The following MLC1 variants were observed in gnomAD, a reference collection of about 807,000 sequenced individuals.
MLC1 encodes modulator of VRAC current 1.
Under a neutral mutation model 44.7 loss-of-function variants are expected in MLC1, and 32 were observed. The ratio of observed to expected loss-of-function variants is 0.72; its 90% CI spans 0.54 to 0.96. The LOEUF (loss-of-function observed/expected upper bound fraction) is 0.96, where lower values mean the gene tolerates loss of function less well. Ranked by LOEUF, MLC1 falls within the 40% of genes least tolerant of loss-of-function variation. MLC1 has a pLI of 0.00. For missense variants in MLC1, 459 were observed against 492.2 expected (o/e 0.93, Z 0.64); for synonymous variants, 190 against 213.0 (o/e 0.89, Z 0.94).
At chr22:50,080,239 C>T in intron 4 of MLC1, 105 bp downstream of exon 4, 2 of 1,425,640 alleles carry the variant, frequency 1.4e-6, no homozygotes, top group Admixed American at 2.0e-5. Context: ...CCTCTCGGTG[C>T]CACAACGTCT....
intron 9 of MLC1, among the ~76,000 whole-genome samples, chr22:50,069,100 C>T (rs574586369): frequency 5.9e-5 from 9 of 152,106 alleles, no homozygotes; most frequent in Admixed American, 5.2e-4. Flanking sequence ...AATCTCTGAT[C>T]ACTGCAACCT....
intron 3 of MLC1, 23 bp from the exon 4 acceptor site, chr22:50,080,420 T>A (rs1463175425): frequency 3.8e-6 from 6 of 1,592,444 alleles, no homozygotes; most frequent in African/African-American, 1.3e-5. Context: ...CGGAATCCCA[T>A]GAGCCTGCCG....
chr22:50,066,361 T>C (rs1306021432), intron 10 of MLC1, among the ~76,000 whole-genome samples: 1 of 151,784 alleles, frequency 6.6e-6, no homozygotes, highest in Non-Finnish European at 1.5e-5. Flanking sequence ...AATACATAAC[T>C]AAAAAGCGAG....
At position 50,074,218 on chromosome 22, in the gene MLC1, C is replaced by A; in HGVS notation, c.712G>T (p.Ala238Ser). ...GGCGGGCCAGAGGGGTTACTCACGGCCACTAGGATCCAAAAGAACGTCACT... is the reference window on the plus strand; with the variant it reads ...GGCGGGCCAGAGGGGTTACTCACGGACACTAGGATCCAAAAGAACGTCACT... ...LSVTFFWILV[A>S]CFPSAIASHV... The change falls in exon 8 of 12, where the codon GCC becomes TCC. Residue 238 changes from alanine (A) to serine (S), a missense_variant and splice_region_variant. Ala to Ser is a moderately conservative substitution (Grantham distance 99). Coordinates refer to ENST00000311597, the MANE Select transcript of MLC1 (RefSeq NM_015166.4). 6.2e-7 allele frequency: 1 copy of A among 1,612,312 alleles called. No homozygotes were observed. The highest frequency in any genetic ancestry group is 8.5e-7 in the Non-Finnish European group (1 of 1,179,312).
intron 1 of MLC1, 160 bp downstream of exon 1, chr22:50,085,195 C>T: frequency 7.8e-7 from 1 of 1,289,500 alleles, no homozygotes. Flanking sequence ...ATTGATCCAT[C>T]TGGGCCCTCC....
At chr22:50,077,317 G>C in intron 6 of MLC1, 84 bp downstream of exon 6, 1 of 1,244,008 alleles carries the variant, frequency 8.0e-7, no homozygotes. Context: ...TCGGCCCTCC[G>C]AGGGTGACGC....
intron 11 of MLC1, among the ~76,000 whole-genome samples, chr22:50,063,486 AAAAAG>A (rs1357289746): frequency 1.4e-5 from 2 of 142,868 alleles, no homozygotes; most frequent in Non-Finnish European, 3.1e-5. Context: ...AAAAAAAAAA[AAAAAG>A]AAAAGAAAGA....
intron 8 of MLC1, among the ~76,000 whole-genome samples, chr22:50,072,581 C>T (rs568404760): frequency 2.6e-5 from 4 of 152,190 alleles, no homozygotes; most frequent in Admixed American, 1.3e-4. Context: ...GAGGGGTCTG[C>T]GGGATGGGAG....
chr22:50,068,396 A>G (rs530525554), intron 10 of MLC1, 37 bp downstream of exon 10: 1 of 1,609,698 alleles, frequency 6.2e-7, no homozygotes, highest in Non-Finnish European at 8.5e-7. Context: ...GCAGAGCACC[A>G]CATGTCTGGG....
In MLC1 at chr22:50,061,512, C is replaced by T. The variant is rs566152230; in HGVS notation, c.*71G>A. ...AGGTGTTAGAAGCAGTAGCTCAGGGCGATTAGGGGTTGTGCGTTTCCATGC... is the reference window on the plus strand; with the variant it reads ...AGGTGTTAGAAGCAGTAGCTCAGGGTGATTAGGGGTTGTGCGTTTCCATGC... On this transcript the variant is annotated 3_prime_UTR_variant, in exon 12 of 12. Coordinates refer to ENST00000311597, the MANE Select transcript of MLC1 (RefSeq NM_015166.4). The T allele has an allele frequency of 3.8e-5, 56 of 1,475,746 alleles. No homozygotes were observed. The highest frequency in any genetic ancestry group is 2.0e-4 in the Middle Eastern group (1 of 4,946). 91.4% of individuals were successfully genotyped at this position (1,475,746 alleles called of 1,614,324 possible). A position where few individuals can be genotyped will look rare whatever the true frequency, so the allele number is the denominator to read the frequency against.
rs143544145 is a variant in MLC1 at position 50,079,891 on chromosome 22, G to A, written c.423+27C>T. 3.4e-5 allele frequency: 52 copies of A among 1,517,272 alleles called. No homozygotes were observed. In the East Asian group the frequency reaches 7.0e-4, roughly 20 times the overall value. 94.0% of individuals were successfully genotyped at this position (1,517,272 alleles called of 1,614,324 possible). ...GGGAGTGGGGCTGTGGGTGTCAGGC[G>A]TCTGCGCGAAGCTCGTGTGAACTCA... On this transcript the variant is annotated intron_variant, in intron 5 of 11. Transcript: ENST00000311597.
At chr22:50,080,450 C>T in intron 3 of MLC1, 53 bp from the exon 4 acceptor site, 1 of 1,511,038 alleles carries the variant, frequency 6.6e-7, no homozygotes, top group Middle Eastern at 1.7e-4. Flanking sequence ...GCAACTGAGA[C>T]TCTGAAATAC....
In MLC1 at chr22:50,061,355, A is replaced by T. The variant is rs1057328229; in HGVS notation, c.*228T>A. ...GCGGCCATGCTCCTGCTGTTACGAC[A>T]CGGGAGCCACTCGGAGCTGACTGAT... is the stretch of plus-strand genomic sequence containing the variant. On this transcript the variant is annotated 3_prime_UTR_variant, in exon 12 of 12. Transcript: ENST00000311597. 15 of 586,370 alleles carry T rather than the reference A, an allele frequency of 2.6e-5. No homozygotes were observed. In the Admixed American group the frequency reaches 4.2e-4, roughly 16 times the overall value. The allele number at this position is 586,370 out of a possible 1,614,324, so 36.3% of individuals were successfully genotyped here. A position where few individuals can be genotyped will look rare whatever the true frequency, so the allele number is the denominator to read the frequency against.
chr22:50,078,602 G>A (rs900021810), intron 5 of MLC1, among the ~76,000 whole-genome samples: 4 of 151,918 alleles, frequency 2.6e-5, no homozygotes, highest in Non-Finnish European at 5.9e-5. Flanking sequence ...AGCTGGGTAC[G>A]GTGGCGCACG....
In MLC1 at chr22:50,060,592, A is replaced by C. The variant is rs11704648; in HGVS notation, c.*991T>G. Reference sequence around the variant, plus strand: ...TTTGAGTAATGGGAGCAAACACAGGAGGGAGGGGCTCAGCTTCCCCCGGTC... The same window carrying C: ...TTTGAGTAATGGGAGCAAACACAGGCGGGAGGGGCTCAGCTTCCCCCGGTC... On this transcript the variant is annotated 3_prime_UTR_variant, in exon 12 of 12. Transcript: ENST00000311597. The C allele has an allele frequency of 0.12, 18,579 of 152,716 alleles. 1,268 individuals are homozygous for C. Among genetic ancestry groups the C allele is most frequent in the South Asian group, 0.23 (1,096 of 4,836 alleles). 9.5% of individuals were successfully genotyped at this position (152,716 alleles called of 1,614,324 possible).
At chr22:50,063,673 G>GCTT (rs2146761297) in intron 11 of MLC1, among the ~76,000 whole-genome samples, 1 of 132,206 alleles carries the variant, frequency 7.6e-6, no homozygotes, top group South Asian at 2.6e-4. Flanking sequence ...CACCTCCCCA[G>GCTT]CACCCCTGAA....
chr22:50,061,362 C>G lies in MLC1; in HGVS notation c.*221G>C. Reference sequence around the variant, plus strand: ...TGCTCCTGCTGTTACGACACGGGAGCCACTCGGAGCTGACTGATCTCACTG... The same window carrying G: ...TGCTCCTGCTGTTACGACACGGGAGGCACTCGGAGCTGACTGATCTCACTG... On this transcript the variant is annotated 3_prime_UTR_variant, in exon 12 of 12. Coordinates refer to ENST00000311597, the MANE Select transcript of MLC1 (RefSeq NM_015166.4). The G allele has an allele frequency of 1.7e-6, 1 of 590,958 alleles. No individual in the cohort carries two copies. 36.6% of individuals were successfully genotyped at this position (590,958 alleles called of 1,614,324 possible).
rs755794838 is a variant in MLC1, at chr22:50,068,526, G to C, written c.801C>G (p.Leu267=). ...LVEVLIAISS[L]TSPLLFTASG... is the part of the protein sequence containing the mutation. ...AGGCTGTGAACAGCAGCGGAGACGT[G>C]AGGCTGCTTATGGCAATCAGGACCT... Residue 267 remains leucine, a synonymous_variant, in exon 10 of 12, where the codon CTC becomes CTG. Transcript: ENST00000311597. 1 of 1,613,338 alleles carries C rather than the reference G, an allele frequency of 6.2e-7. No homozygotes were observed. The highest frequency in any genetic ancestry group is 1.1e-5 in the South Asian group (1 of 91,070).
chr22:50,061,184 G>C lies in MLC1; in HGVS notation c.*399C>G. 1 of 312,378 alleles carries C rather than the reference G, an allele frequency of 3.2e-6. No homozygotes were observed. 19.4% of individuals were successfully genotyped at this position (312,378 alleles called of 1,614,324 possible). On this transcript the variant is annotated 3_prime_UTR_variant, in exon 12 of 12. Coordinates refer to ENST00000311597, the MANE Select transcript of MLC1 (RefSeq NM_015166.4). ...GAGGAAGCCCGGTCAGAGTGGGCAG[G>C]AGACGCAGGGACCCACAGTCTGGTC...
Sources: gnomAD v4.1 joint callset for allele counts (sites outside exome capture counted in the v4.1 genomes callset) on GRCh38, gnomAD v4.1.1 for gene constraint, MANE v1.5 for transcripts, NCBI Gene and HGNC (gene_info 2026-07-23, HGNC 2026-07-21) for gene names.